The following UNC45A variants were observed in gnomAD, a reference collection of about 807,000 sequenced individuals.
UNC45A encodes the protein protein unc-45 homolog A.
A neutral mutation model predicts 103.2 loss-of-function variants in UNC45A; 78 were observed. The ratio of observed to expected loss-of-function variants is 0.76; its 90% CI spans 0.63 to 0.91. The LOEUF (loss-of-function observed/expected upper bound fraction) is 0.91, where lower values mean the gene tolerates loss of function less well. Ranked by LOEUF, UNC45A falls within the 40% of genes least tolerant of loss-of-function variation. UNC45A has a pLI of 0.00. For missense variants in UNC45A, 1,193 were observed against 1,224.8 expected (o/e 0.97, Z 0.39); for synonymous variants, 495 against 504.6 (o/e 0.98, Z 0.25).
chr15:90,949,516 GT>G (rs1332289062), intron 14 of UNC45A, 73 bp downstream of exon 14: 13 of 1,602,194 alleles, frequency 8.1e-6, no homozygotes, highest in Admixed American at 3.4e-5. Flanking sequence ...GCTCCAGAGG[GT>G]GCAGGTTCCA....
chr15:90,948,573 G>GGGGGCC (rs2036704209), intron 12 of UNC45A, 81 bp from the exon 13 acceptor site: 1 of 1,560,056 alleles, frequency 6.4e-7, no homozygotes, highest in African/African-American at 1.4e-5. Context: ...GGGTGGAATT[G>GGGGGCC]GGGGCCTGGG....
At position 90,946,449 on chromosome 15, in the gene UNC45A, T is replaced by C. The variant is rs542377021; in HGVS notation, c.1200-165T>C. 3.7e-4 allele frequency among the ~76,000 whole-genome samples: 56 copies of C among 152,178 alleles called. 2 individuals carry two copies. Among genetic ancestry groups the C allele is most frequent in the African/African-American group, 1.2e-3 (51 of 41,518 alleles). On this transcript the variant is annotated intron_variant, in intron 9 of 19. Coordinates refer to ENST00000418476, the MANE Select transcript of UNC45A (RefSeq NM_018671.5). ...CTTGAGTGAAAGTCGATAAAGAAAA[T>C]CAGCCATTATTGTCCAGGTGGAAAC...
At chr15:90,948,404 G>A (rs1201515822) in intron 12 of UNC45A, 121 bp downstream of exon 12, 2 of 1,459,118 alleles carry the variant, frequency 1.4e-6, no homozygotes, top group Non-Finnish European at 1.9e-6. Flanking sequence ...GCTGGTGGCT[G>A]AGTGGCTGCT....
upstream of UNC45A, chr15:90,931,610 A>T (rs1315899308): frequency 1.9e-6 from 3 of 1,613,926 alleles, no homozygotes; most frequent in African/African-American, 4.0e-5. Context: ...GGGAATTAAG[A>T]ATGCCCAGGG....
intron 5 of UNC45A, 75 bp from the exon 6 acceptor site, chr15:90,940,231 G>A: frequency 4.6e-6 from 7 of 1,513,000 alleles, no homozygotes; most frequent in South Asian, 1.3e-5. Flanking sequence ...TCCAGGGCTC[G>A]GGGCCCCTGC....
At position 90,953,043 on chromosome 15, in the gene UNC45A, G is replaced by C. The variant is rs755957183; in HGVS notation, c.2418G>C (p.Lys806Asn). 4 of 1,613,462 alleles carry C rather than the reference G, an allele frequency of 2.5e-6. No homozygotes were observed. Among genetic ancestry groups the C allele is most frequent in the East Asian group, 2.2e-5 (1 of 44,896 alleles). The change falls in exon 18 of 20, where the codon AAG becomes AAC. Residue 806 changes from lysine to asparagine, a missense_variant. Transcript: ENST00000418476. ...GCATGTGTAACTTGGCCATGAGCAAGGAGGTGAGGGTTGGTCTGGGTGCTC... is the reference window on the plus strand; with the variant it reads ...GCATGTGTAACTTGGCCATGAGCAACGAGGTGAGGGTTGGTCTGGGTGCTC... ...TECMCNLAMS[K>N]EVQDLFEAQG...
intron 9 of UNC45A, 148 bp from the exon 10 acceptor site, chr15:90,946,466 G>A: frequency 1.1e-6 from 1 of 882,016 alleles, no homozygotes; most frequent in South Asian, 1.8e-5. Context: ...TTATTGTCCA[G>A]GTGGAAACGT....
intron 8 of UNC45A, among the ~76,000 whole-genome samples, chr15:90,944,402 A>AT (rs2036456009): frequency 6.6e-6 from 1 of 152,044 alleles, no homozygotes; most frequent in Admixed American, 6.6e-5. Context: ...AAAAAGATAA[A>AT]TAAGAAAAGC....
At chr15:90,947,515 CAG>C (rs1382891146) in intron 10 of UNC45A, 1 of 474,292 alleles carries the variant, frequency 2.1e-6, no homozygotes, top group African/African-American at 1.9e-5. Context: ...TGGAAGGAAA[CAG>C]AGCCATTCTC....
At chr15:90,935,235 G>T (rs373274696), upstream of UNC45A, 2 of 1,314,974 alleles carry the variant, frequency 1.5e-6, no homozygotes, top group Non-Finnish European at 2.1e-6. Flanking sequence ...ACGCAAGAGT[G>T]GGGCGGGGCA....
At chr15:90,943,648 C>T (rs867439135) in intron 8 of UNC45A, among the ~76,000 whole-genome samples, 14 of 151,732 alleles carry the variant, frequency 9.2e-5, no homozygotes, top group Middle Eastern at 6.8e-3. Flanking sequence ...GCACATTGAG[C>T]GGGCCTGCAA....
intron 4 of UNC45A, among the ~76,000 whole-genome samples, chr15:90,938,623 G>A (rs1309067769): frequency 2.0e-5 from 3 of 152,046 alleles, no homozygotes; most frequent in Non-Finnish European, 4.4e-5. Context: ...CAGGACTCTG[G>A]GGGGTGGGGG....
At chr15:90,946,429 G>T (rs1373735980) in intron 9 of UNC45A, among the ~76,000 whole-genome samples, 185 bp from the exon 10 acceptor site, 1 of 152,224 alleles carries the variant, frequency 6.6e-6, no homozygotes, top group Non-Finnish European at 1.5e-5. Flanking sequence ...GAAGGCTTGA[G>T]TGAAAGTCGA....
chr15:90,949,251 G>A (rs2036753988), intron 13 of UNC45A, 65 bp from the exon 14 acceptor site: 1 of 1,559,614 alleles, frequency 6.4e-7, no homozygotes, highest in African/African-American at 1.4e-5. Flanking sequence ...TTACTGCTGT[G>A]AGAAGGGTCC....
At chr15:90,948,821 G>A (rs775737415) in intron 13 of UNC45A, 27 bp downstream of exon 13, 1 of 1,567,772 alleles carries the variant, frequency 6.4e-7, no homozygotes, top group Non-Finnish European at 8.7e-7. Context: ...GGGGCTAGAG[G>A]GTTCCCCACC....
In UNC45A at chr15:90,936,302, G is replaced by A. The variant is rs2036015919; in HGVS notation, c.268G>A (p.Gly90Arg). 6.2e-7 allele frequency: 1 copy of A among 1,613,662 alleles called. No individual in the cohort carries two copies. Among genetic ancestry groups the A allele is most frequent in the Non-Finnish European group, 8.5e-7 (1 of 1,179,834 alleles). The part of the protein sequence containing the change: ...EASKAIEKDG[G>R]DVKALYRRSQ... ...GTGCTCAGCCATTGAAAAGGATGGTGGGGATGTCAAAGCACTCTACCGGCG... is the reference window on the plus strand; with the variant it reads ...GTGCTCAGCCATTGAAAAGGATGGTAGGGATGTCAAAGCACTCTACCGGCG... The change falls in exon 4 of 20, where the codon GGG becomes AGG. Residue 90 changes from glycine (G) to arginine (R), a missense_variant. Gly to Arg is a moderately radical substitution (Grantham distance 125). Coordinates refer to ENST00000418476, the MANE Select transcript of UNC45A (RefSeq NM_018671.5).
upstream of UNC45A, chr15:90,931,927 G>C (rs758657403): frequency 1.9e-6 from 3 of 1,613,942 alleles, no homozygotes; most frequent in Non-Finnish European, 2.5e-6. Context: ...CCTCCACCGT[G>C]TCATGGAGCA....
chr15:90,931,302 C>A (rs1270098298), upstream of UNC45A: 1 of 1,551,048 alleles, frequency 6.4e-7, no homozygotes, highest in Non-Finnish European at 8.7e-7. Context: ...GCTGCTTGAA[C>A]AGATGCTTTA....
At chr15:90,931,256 G>C (rs2035778345), upstream of UNC45A, 1 of 1,550,634 alleles carries the variant, frequency 6.4e-7, no homozygotes, top group African/African-American at 1.4e-5. Context: ...TTGTGCCTCT[G>C]GATAGCTTCA....
Sources: gnomAD v4.1 joint callset for allele counts (sites outside exome capture counted in the v4.1 genomes callset) on GRCh38, gnomAD v4.1.1 for gene constraint, MANE v1.5 for transcripts, NCBI Gene and HGNC (gene_info 2026-07-23, HGNC 2026-07-21) for gene names.